The following KCNMA1 variants were observed in gnomAD, a reference collection of about 807,000 sequenced individuals.
The protein encoded by KCNMA1 is potassium calcium-activated channel subfamily M alpha 1.
KCNMA1 carries 29 observed loss-of-function variants against 140.0 expected under a neutral mutation model. The observed-to-expected ratio is 0.21, with a 90% CI of 0.15 to 0.28. The LOEUF is 0.28. KCNMA1 is among the 10% of genes least tolerant of loss of function. The pLI, the probability that KCNMA1 is intolerant of heterozygous loss-of-function variation, is 1.00. For missense variants in KCNMA1, 880 were observed against 1,602.2 expected, an observed-to-expected ratio of 0.55 and a Z score of 7.70; for synonymous variants, 612 against 611.9, an observed-to-expected ratio of 1.00 and a Z score of 0.00.
intron 1 of KCNMA1, chr10:77,636,916 G>A (rs2093806461): frequency 3.5e-6 from 5 of 1,417,892 alleles, no homozygotes; most frequent in East Asian, 5.2e-5. Flanking sequence ...AGCTTCCTCC[G>A]TCCCCGCTGA....
At chr10:77,288,220 C>T (rs2071738662) in intron 2 of KCNMA1, among the ~76,000 whole-genome samples, 1 of 152,176 alleles carries the variant, frequency 6.6e-6, no homozygotes, top group Admixed American at 6.5e-5. Flanking sequence ...AATCAGAGTC[C>T]AAGTTAATAA....
At chr10:77,440,015 C>A (rs1469215500) in intron 1 of KCNMA1, among the ~76,000 whole-genome samples, 8 of 152,314 alleles carry the variant, frequency 5.3e-5, no homozygotes, top group Admixed American at 6.5e-5. Flanking sequence ...GCCTTGGGGC[C>A]AGGGCGGGGG....
intron 19 of KCNMA1, among the ~76,000 whole-genome samples, chr10:76,998,424 C>T (rs952758913): frequency 2.6e-5 from 4 of 152,098 alleles, no homozygotes; most frequent in African/African-American, 4.8e-5. Context: ...TGGGAAACTG[C>T]GACCAAAGCA....
At chr10:77,258,692 G>A (rs535812315) in intron 2 of KCNMA1, among the ~76,000 whole-genome samples, 18 of 152,304 alleles carry the variant, frequency 1.2e-4, no homozygotes, top group African/African-American at 4.3e-4. Flanking sequence ...GCCAGGTGCG[G>A]TGGCTCATGC....
At chr10:77,220,129 G>A (rs1347927882) in intron 3 of KCNMA1, among the ~76,000 whole-genome samples, 1 of 152,098 alleles carries the variant, frequency 6.6e-6, no homozygotes, top group African/African-American at 2.4e-5. Context: ...CACCCTTTTT[G>A]TGTTACTATT....
chr10:77,385,893 G>A (rs1421378430), intron 2 of KCNMA1, among the ~76,000 whole-genome samples: 2 of 152,174 alleles, frequency 1.3e-5, no homozygotes, highest in Non-Finnish European at 2.9e-5. Flanking sequence ...GCGGGGAGAT[G>A]GGACAAATGA....
At position 77,359,628 on chromosome 10, in the gene KCNMA1, GC is replaced by G. The variant is rs1175775920; in HGVS notation, c.540+44233del. ...GGACAAGTATAAGGGAGCCTGTGTG[GC>G]CTCATTCATTACCAGATGAACCACT... On this transcript the variant is annotated intron_variant, in intron 2 of 27. Transcript: ENST00000286628. 9.2e-5 allele frequency among the ~76,000 whole-genome samples: 14 copies of G among 152,168 alleles called. 1 individual carries two copies. Among genetic ancestry groups the G allele is most frequent in the Admixed American group, 1.3e-4 (2 of 15,284 alleles).
At chr10:77,093,391 T>C (rs1025838478) in intron 9 of KCNMA1, among the ~76,000 whole-genome samples, 2 of 152,198 alleles carry the variant, frequency 1.3e-5, no homozygotes, top group African/African-American at 2.4e-5. Flanking sequence ...ATTTGAAGAT[T>C]TATGGCCTCC....
intron 2 of KCNMA1, among the ~76,000 whole-genome samples, chr10:77,264,720 C>A (rs773110704): frequency 6.6e-6 from 1 of 152,164 alleles, no homozygotes; most frequent in Admixed American, 6.5e-5. Flanking sequence ...AACCTTCATC[C>A]TTTCAGGGTT....
rs79201897 is a variant in KCNMA1 at position 77,413,201 on chromosome 10, C to T, written c.379-9178G>A. Among the ~76,000 whole-genome samples, 111 of 152,286 alleles carry T rather than the reference C, an allele frequency of 7.3e-4. 1 individual carries two copies. In the East Asian group the frequency reaches 0.021, roughly 28 times the overall value. On this transcript the variant is annotated intron_variant, in intron 1 of 27. Transcript: ENST00000286628. ...AAAATGCTTTGTTTCATGACAATAACTATGACATCCTGTGGCACAGTTTGG... is the reference window on the plus strand; with the variant it reads ...AAAATGCTTTGTTTCATGACAATAATTATGACATCCTGTGGCACAGTTTGG...
chr10:77,439,877 G>A (rs2097358658), intron 1 of KCNMA1, among the ~76,000 whole-genome samples: 1 of 152,186 alleles, frequency 6.6e-6, no homozygotes, highest in South Asian at 2.1e-4. Flanking sequence ...GGTCCTCCTG[G>A]AGTCCTGCAG....
chr10:77,523,213 C>CT (rs397962956), intron 1 of KCNMA1, among the ~76,000 whole-genome samples: 1 of 150,288 alleles, frequency 6.7e-6, no homozygotes, highest in African/African-American at 2.5e-5. Context: ...GCCCCCCCCC[C>CT]TTGCAATCAC....
At chr10:77,023,036 CGGGGCTCAGT>C in intron 16 of KCNMA1, 1 of 428,252 alleles carries the variant, frequency 2.3e-6, no homozygotes, top group South Asian at 1.7e-5. Flanking sequence ...AATTGGCTAG[CGGGGCTCAGT>C]CCCGCAGGGA....
At chr10:77,264,410 C>G (rs1213295041) in intron 2 of KCNMA1, among the ~76,000 whole-genome samples, 1 of 152,146 alleles carries the variant, frequency 6.6e-6, no homozygotes, top group African/African-American at 2.4e-5. Context: ...CACACTTTTG[C>G]AAACAAAAGA....
intron 15 of KCNMA1, 153 bp downstream of exon 15, chr10:77,039,375 C>T (rs1003009361): frequency 1.5e-6 from 1 of 687,920 alleles, no homozygotes; most frequent in Non-Finnish European, 2.7e-6. Flanking sequence ...TAATGACCCA[C>T]CCTCCTATTC....
intron 5 of KCNMA1, among the ~76,000 whole-genome samples, chr10:77,147,202 G>C (rs1564817179): frequency 6.6e-6 from 1 of 152,174 alleles, no homozygotes; most frequent in Non-Finnish European, 1.5e-5. Context: ...CATATAACTT[G>C]TACTATAACT....
chr10:77,080,129 A>G (rs2096527576), intron 12 of KCNMA1, among the ~76,000 whole-genome samples: 1 of 152,198 alleles, frequency 6.6e-6, no homozygotes, highest in Admixed American at 6.5e-5. Flanking sequence ...GAAAGCTCAA[A>G]GAACTTGCTT....
intron 1 of KCNMA1, among the ~76,000 whole-genome samples, chr10:77,504,582 A>T (rs1316473310): frequency 6.6e-6 from 1 of 151,974 alleles, no homozygotes; most frequent in Non-Finnish European, 1.5e-5. Flanking sequence ...TTTAAATTTT[A>T]TCTTTTTATT....
At chr10:77,300,231 G>A (rs1430872493) in intron 2 of KCNMA1, among the ~76,000 whole-genome samples, 1 of 152,228 alleles carries the variant, frequency 6.6e-6, no homozygotes, top group Non-Finnish European at 1.5e-5. Flanking sequence ...GGGAAGGTAA[G>A]AGACCTGAGA....
Sources: gnomAD v4.1 joint callset for allele counts (sites outside exome capture counted in the v4.1 genomes callset) on GRCh38, gnomAD v4.1.1 for gene constraint, MANE v1.5 for transcripts, NCBI Gene and HGNC (gene_info 2026-07-23, HGNC 2026-07-21) for gene names.